The following CEP112 variants were observed in gnomAD, a reference collection of about 807,000 sequenced individuals.
CEP112 encodes centrosomal protein of 112 kDa.
Under a neutral mutation model 153.0 loss-of-function variants are expected in CEP112, and 127 were observed. The ratio of observed to expected loss-of-function variants is 0.83; its 90% CI spans 0.72 to 0.96. The LOEUF is 0.96. Among genes scored for constraint, CEP112 ranks in the 40% least tolerant of loss-of-function variants. CEP112 has a pLI of 0.00. For synonymous variants in CEP112, 358 were observed against 374.4 expected (o/e 0.96, Z 0.51); for missense variants, 1,089 against 1,101.2 (o/e 0.99, Z 0.16).
At chr17:66,173,956 A>G (rs1163046742) in intron 4 of CEP112, among the ~76,000 whole-genome samples, 1 of 151,374 alleles carries the variant, frequency 6.6e-6, no homozygotes, top group Admixed American at 6.6e-5. Context: ...TTTGAGACAG[A>G]CTCGCCCTAT....
chr17:65,889,651 C>G (rs1598900601), intron 20 of CEP112, among the ~76,000 whole-genome samples: 1 of 152,098 alleles, frequency 6.6e-6, no homozygotes. Context: ...CCATTACCCT[C>G]CATGCTCATG....
At chr17:66,115,495 G>A (rs958449462) in intron 6 of CEP112, among the ~76,000 whole-genome samples, 2 of 152,106 alleles carry the variant, frequency 1.3e-5, no homozygotes, top group Admixed American at 6.5e-5. Context: ...CAGTTCTTTC[G>A]GATAAACATA....
At chr17:65,799,433 G>A (rs994087352) in intron 21 of CEP112, among the ~76,000 whole-genome samples, 1 of 152,182 alleles carries the variant, frequency 6.6e-6, no homozygotes, top group Non-Finnish European at 1.5e-5. Context: ...CAGGGTTTTA[G>A]TCAAATCAAG....
chr17:65,870,525 CT>C (rs2058638731), intron 20 of CEP112, among the ~76,000 whole-genome samples: 3 of 152,072 alleles, frequency 2.0e-5, no homozygotes, highest in Admixed American at 2.0e-4. Context: ...TATATTTTTT[CT>C]AGACTCAAAT....
intron 16 of CEP112, among the ~76,000 whole-genome samples, chr17:66,008,609 G>T (rs1398336723): frequency 6.6e-6 from 1 of 152,074 alleles, no homozygotes; most frequent in African/African-American, 2.4e-5. Flanking sequence ...ATCCAAAAGT[G>T]CTGGGATTTT....
intron 23 of CEP112, among the ~76,000 whole-genome samples, chr17:65,697,674 C>T (rs1053897975): frequency 1.4e-4 from 22 of 152,054 alleles, no homozygotes; most frequent in South Asian, 8.3e-4. Flanking sequence ...GGTGGTCTCA[C>T]GGGCTATTTA....
chr17:65,935,395 C>G (rs1403414087), intron 18 of CEP112, among the ~76,000 whole-genome samples: 2 of 152,144 alleles, frequency 1.3e-5, no homozygotes, highest in Non-Finnish European at 2.9e-5. Flanking sequence ...AAACATCAGA[C>G]TTAAACTACA....
intron 20 of CEP112, among the ~76,000 whole-genome samples, chr17:65,888,624 C>G (rs1232779790): frequency 2.6e-5 from 4 of 152,060 alleles, no homozygotes; most frequent in African/African-American, 9.7e-5. Flanking sequence ...TCATGAGTTA[C>G]TTATTCAAGG....
intron 23 of CEP112, among the ~76,000 whole-genome samples, chr17:65,721,125 C>T (rs1403144796): frequency 6.6e-6 from 1 of 151,612 alleles, no homozygotes; most frequent in Non-Finnish European, 1.5e-5. Flanking sequence ...CATTCTCCTG[C>T]CTCAGCCTCC....
At chr17:66,061,752 T>C (rs1196822721) in intron 11 of CEP112, among the ~76,000 whole-genome samples, 1 of 151,748 alleles carries the variant, frequency 6.6e-6, no homozygotes, top group Non-Finnish European at 1.5e-5. Context: ...CTCATAGAAG[T>C]AGAGAACAGA....
rs373077159 is a variant in CEP112 at position 65,956,405 on chromosome 17, T to C, written c.1872+5058A>G. Reference sequence around the variant, plus strand: ...AGAAATTATGATATATATACATACATACATACACACACACACACACACACA... The same window carrying C: ...AGAAATTATGATATATATACATACACACATACACACACACACACACACACA... On this transcript the variant is annotated intron_variant, in intron 18 of 26. Coordinates refer to ENST00000535342, the MANE Select transcript of CEP112 (RefSeq NM_001199165.4). Among the ~76,000 whole-genome samples, 33 of 145,038 alleles carry C rather than the reference T, an allele frequency of 2.3e-4. No individual in the cohort carries two copies. In the East Asian group the frequency reaches 3.0e-3, roughly 13 times the overall value.
At chr17:65,902,743 T>C (rs878927872) in intron 19 of CEP112, among the ~76,000 whole-genome samples, 1 of 152,118 alleles carries the variant, frequency 6.6e-6, no homozygotes, top group Non-Finnish European at 1.5e-5. Context: ...GATTTACAAA[T>C]AAAAGATCGG....
At chr17:66,151,520 G>A (rs959583338) in intron 4 of CEP112, among the ~76,000 whole-genome samples, 4 of 152,256 alleles carry the variant, frequency 2.6e-5, no homozygotes, top group East Asian at 1.9e-4. Flanking sequence ...AACAGAATCC[G>A]ACAAAAGTGA....
intron 17 of CEP112, among the ~76,000 whole-genome samples, chr17:66,005,330 A>C (rs1445692698): frequency 1.3e-5 from 2 of 152,214 alleles, no homozygotes; most frequent in Non-Finnish European, 2.9e-5. Flanking sequence ...AACAACTGGA[A>C]CATTTCATTT....
At chr17:65,710,296 T>C (rs2049109268) in intron 23 of CEP112, among the ~76,000 whole-genome samples, 1 of 152,224 alleles carries the variant, frequency 6.6e-6, no homozygotes. Context: ...GAGCTCTCCT[T>C]ATAGCAGCTT....
intron 19 of CEP112, among the ~76,000 whole-genome samples, chr17:65,927,085 T>C (rs1403462767): frequency 6.6e-6 from 1 of 151,564 alleles, no homozygotes; most frequent in Non-Finnish European, 1.5e-5. Flanking sequence ...TGGTGATAAG[T>C]GAGCTCTCAC....
Position 66,079,936 on chromosome 17 carries a change from T to C in CEP112, c.769-9935A>G, listed in dbSNP as rs150994457. On this transcript the variant is annotated intron_variant, in intron 8 of 26. Coordinates refer to ENST00000535342, the MANE Select transcript of CEP112 (RefSeq NM_001199165.4). ...GGATTCCCTATTTAATAAATGGTGT[T>C]GGGAAAACTGGCTAGCCATAGGTAG... 3.4e-3 allele frequency among the ~76,000 whole-genome samples: 523 copies of C among 152,188 alleles called. 2 individuals carry two copies. The highest frequency in any genetic ancestry group is 0.012 in the African/African-American group (512 of 41,500).
chr17:66,039,271 G>A (rs1023870898), intron 12 of CEP112, among the ~76,000 whole-genome samples: 7 of 152,092 alleles, frequency 4.6e-5, no homozygotes, highest in African/African-American at 1.4e-4. Flanking sequence ...GTCAGTACTG[G>A]AGATATAAAT....
At chr17:65,816,287 T>A (rs894940995) in intron 21 of CEP112, among the ~76,000 whole-genome samples, 6 of 151,910 alleles carry the variant, frequency 3.9e-5, no homozygotes, top group South Asian at 2.1e-4. Context: ...TTTAAAAAAA[T>A]TTTAATTTTT....
Sources: allele counts gnomAD v4.1 joint callset (sites outside exome capture counted in the v4.1 genomes callset), GRCh38; gene constraint gnomAD v4.1.1; transcripts MANE v1.5; gene names NCBI Gene and HGNC (gene_info 2026-07-23, HGNC 2026-07-21).